PPM1H: variants seen among roughly 807,000 people sequenced by gnomAD.
PPM1H encodes protein phosphatase, Mg2+/Mn2+ dependent 1H, also known as protein phosphatase 1H.
In PPM1H, 27 loss-of-function variants were observed where a neutral mutation model predicts 54.9. That is an observed-to-expected ratio of 0.49 (90% CI 0.36 to 0.68). The LOEUF is 0.68. Among genes scored for constraint, PPM1H ranks in the 30% least tolerant of loss-of-function variants. The pLI, the probability that PPM1H is intolerant of heterozygous loss-of-function variation, is 0.00. For synonymous variants in PPM1H, 305 were observed against 270.8 expected (o/e 1.13, Z -1.24); for missense variants, 596 against 667.8 (o/e 0.89, Z 1.19).
At chr12:62,822,081 G>GC (rs1213113490) in intron 2 of PPM1H, among the ~76,000 whole-genome samples, 19 of 147,952 alleles carry the variant, frequency 1.3e-4, no homozygotes, top group African/African-American at 3.5e-4. Flanking sequence ...CAAATGGAAA[G>GC]CAAAAAAAAA....
At chr12:62,755,861 G>T in intron 4 of PPM1H, 1 of 785,510 alleles carries the variant, frequency 1.3e-6, no homozygotes. Context: ...TGCCTCTACT[G>T]GTGCTGCTAA....
At chr12:62,832,700 T>C (rs1269448953) in intron 1 of PPM1H, among the ~76,000 whole-genome samples, 3 of 152,126 alleles carry the variant, frequency 2.0e-5, no homozygotes, top group Non-Finnish European at 4.4e-5. Context: ...CCATCAATCT[T>C]ATCAAGGTAC....
At chr12:62,774,896 G>A (rs1400910329) in intron 4 of PPM1H, among the ~76,000 whole-genome samples, 1 of 152,144 alleles carries the variant, frequency 6.6e-6, no homozygotes, top group Non-Finnish European at 1.5e-5. Context: ...GTTCTGGTAC[G>A]AGTTCTGCCG....
intron 5 of PPM1H, among the ~76,000 whole-genome samples, chr12:62,736,246 C>T (rs1407401210): frequency 1.3e-5 from 2 of 152,132 alleles, no homozygotes; most frequent in African/African-American, 2.4e-5. Flanking sequence ...AGTGATAAAC[C>T]GAGGTCAGGA....
intron 1 of PPM1H, among the ~76,000 whole-genome samples, chr12:62,908,416 AAAAAAAAAAG>A (rs1318220148): frequency 5.3e-5 from 8 of 149,738 alleles, no homozygotes; most frequent in African/African-American, 1.9e-4. Flanking sequence ...TCAAAAAAAA[AAAAAAAAAAG>A]AAAGAAAGAA....
chr12:62,881,431 G>A (rs560140149), intron 1 of PPM1H, among the ~76,000 whole-genome samples: 2 of 152,014 alleles, frequency 1.3e-5, no homozygotes, highest in African/African-American at 4.8e-5. Context: ...AGGGAAAGAA[G>A]ACAGGAAGGA....
chr12:62,728,048 G>A (rs908491195), intron 5 of PPM1H, among the ~76,000 whole-genome samples: 3 of 152,036 alleles, frequency 2.0e-5, no homozygotes, highest in Non-Finnish European at 4.4e-5. Context: ...CCTAAATTTT[G>A]AGGTTTTCCT....
chr12:62,652,973 T>A (rs4763188), intron 9 of PPM1H, among the ~76,000 whole-genome samples: 55,658 of 152,046 alleles, frequency 0.37, 10,324 homozygotes, highest in South Asian at 0.48. Context: ...TCTTTATTTT[T>A]ACCTTTGATT....
rs73310429 is a variant in PPM1H at position 62,658,514 on chromosome 12, A to G, written c.1397+8664T>C. 4.4e-3 allele frequency among the ~76,000 whole-genome samples: 672 copies of G among 152,152 alleles called. 4 individuals are homozygous for G. The highest frequency in any genetic ancestry group is 0.015 in the African/African-American group (629 of 41,492). On this transcript the variant is annotated intron_variant, in intron 9 of 9. Coordinates refer to ENST00000228705, the MANE Select transcript of PPM1H (RefSeq NM_020700.2). ...CTGAACCTCCAGCCTTACAGAGGGG[A>G]CAGTCAGTTGCAGATATTTTGCATC...
chr12:62,858,462 G>GTTGTTCA (rs1555201789), intron 1 of PPM1H, among the ~76,000 whole-genome samples: 39 of 151,646 alleles, frequency 2.6e-4, no homozygotes, highest in African/African-American at 9.4e-4. Flanking sequence ...TGTTGTTGTT[G>GTTGTTCA]TTGTTTTTTT....
chr12:62,858,232 A>G (rs1869465348), intron 1 of PPM1H, among the ~76,000 whole-genome samples: 1 of 152,112 alleles, frequency 6.6e-6, no homozygotes, highest in Non-Finnish European at 1.5e-5. Context: ...TAAATTGACA[A>G]GAATCCAGAG....
intron 3 of PPM1H, among the ~76,000 whole-genome samples, chr12:62,798,624 T>A (rs1020769426): frequency 3.9e-5 from 6 of 152,120 alleles, no homozygotes; most frequent in Admixed American, 3.3e-4. Context: ...GGAAGAGACA[T>A]AGCTTAAAGC....
chr12:62,933,107 T>C (rs1420760809), intron 1 of PPM1H, among the ~76,000 whole-genome samples: 2 of 152,146 alleles, frequency 1.3e-5, no homozygotes, highest in African/African-American at 4.8e-5. Context: ...CAACGTTCTC[T>C]TCCGTGCTCA....
intron 4 of PPM1H, among the ~76,000 whole-genome samples, chr12:62,739,021 A>G (rs1200699805): frequency 6.6e-6 from 1 of 151,812 alleles, no homozygotes; most frequent in Non-Finnish European, 1.5e-5. Flanking sequence ...CAGCGCATCC[A>G]GGAAGGGAAG....
chr12:62,836,237 T>C (rs1447871699), intron 1 of PPM1H, among the ~76,000 whole-genome samples: 1 of 152,230 alleles, frequency 6.6e-6, no homozygotes, highest in Non-Finnish European at 1.5e-5. Context: ...AAAGTATTTT[T>C]CTGGAAATTA....
At chr12:62,880,881 G>A (rs1870368837) in intron 1 of PPM1H, among the ~76,000 whole-genome samples, 1 of 152,026 alleles carries the variant, frequency 6.6e-6, no homozygotes, top group Non-Finnish European at 1.5e-5. Flanking sequence ...GCATATGTTG[G>A]GGAACCATCC....
intron 3 of PPM1H, among the ~76,000 whole-genome samples, chr12:62,797,788 T>G (rs950760473): frequency 3.9e-5 from 6 of 152,224 alleles, no homozygotes; most frequent in African/African-American, 1.4e-4. Flanking sequence ...CAGGCATTGT[T>G]TCTATGAAAC....
chr12:62,867,628 AGTGCAGTG>A (rs1415872877), intron 1 of PPM1H, among the ~76,000 whole-genome samples: 22 of 112,444 alleles, frequency 2.0e-4, no homozygotes, highest in African/African-American at 7.1e-4. Context: ...CCCAGGCTGG[AGTGCAGTG>A]GCGCGATCTC....
chr12:62,862,377 T>C (rs1869633448), intron 1 of PPM1H, among the ~76,000 whole-genome samples: 2 of 152,184 alleles, frequency 1.3e-5, no homozygotes, highest in Non-Finnish European at 2.9e-5. Flanking sequence ...TCACTACATA[T>C]AAGGCTGTGA....
Sources: allele counts gnomAD v4.1 joint callset (sites outside exome capture counted in the v4.1 genomes callset), GRCh38; gene constraint gnomAD v4.1.1; transcripts MANE v1.5; gene names NCBI Gene and HGNC (gene_info 2026-07-23, HGNC 2026-07-21).